Variants in BMS1 observed in about 807,000 individuals in gnomAD.
The protein encoded by BMS1 is ribosome biogenesis protein BMS1 homolog.
A neutral mutation model predicts 138.7 loss-of-function variants in BMS1; 53 were observed. That is an observed-to-expected ratio of 0.38 (90% CI 0.31 to 0.48). The LOEUF (loss-of-function observed/expected upper bound fraction) is 0.48, where lower values mean the gene tolerates loss of function less well. Among genes scored for constraint, BMS1 ranks in the 20% least tolerant of loss-of-function variants. The probability of loss-of-function intolerance (pLI) is 0.97; values close to 1 mark genes in which losing one functional copy is unlikely to be tolerated. For missense variants in BMS1, 1,360 were observed against 1,565.5 expected (o/e 0.87, Z 2.22); for synonymous variants, 504 against 539.9 (o/e 0.93, Z 0.92).
chr10:42,813,826 T>A (rs2132359200), intron 13 of BMS1, among the ~76,000 whole-genome samples: 1 of 152,322 alleles, frequency 6.6e-6, no homozygotes, highest in East Asian at 1.9e-4. Context: ...ATTCCTATAT[T>A]CTCTTCCTCT....
chr10:42,821,883 A>G (rs928725054), intron 18 of BMS1, among the ~76,000 whole-genome samples, 179 bp from the exon 19 acceptor site: 2 of 152,078 alleles, frequency 1.3e-5, no homozygotes, highest in South Asian at 2.1e-4. Context: ...TGGCTTACCA[A>G]CTTTAAAGTT....
intron 21 of BMS1, 93 bp from the exon 22 acceptor site, chr10:42,830,168 A>G (rs1276594821): frequency 2.8e-6 from 4 of 1,445,164 alleles, no homozygotes; most frequent in African/African-American, 1.4e-5. Flanking sequence ...AATCTTGTGG[A>G]AAAGTCAACC....
In BMS1 at chr10:42,823,212, G is replaced by C. The variant is rs756311685; in HGVS notation, c.3227G>C (p.Arg1076Pro). The change falls in exon 20 of 23, where the codon CGA becomes CCA. Residue 1076 changes from arginine (R) to proline (P), a missense_variant. By Grantham distance (103) the Arg-to-Pro change is moderately radical. Around this residue, in one of 3 missense-constraint regions of BMS1, gnomAD observed 425 missense variants for 568.3 expected, o/e 0.75. Transcript: ENST00000374518. ...GIRGQIKKAL[R>P]APEGAFRASF... ...AGGGGGCAGATCAAGAAAGCACTCC[G>C]AGCTCCAGAAGGAGCTTTCAGGGCC... 1.9e-6 allele frequency: 3 copies of C among 1,606,458 alleles called. 1 individual carries two copies. Among genetic ancestry groups the C allele is most frequent in the South Asian group, 2.2e-5 (2 of 89,870 alleles).
intron 21 of BMS1, among the ~76,000 whole-genome samples, chr10:42,825,065 G>T (rs151144598): frequency 1.2e-3 from 188 of 152,188 alleles, no homozygotes; most frequent in African/African-American, 4.3e-3. Context: ...CTGTAGTGCA[G>T]TGGCATAATC....
chr10:42,826,582 C>A (rs1015561401), intron 21 of BMS1, among the ~76,000 whole-genome samples: 3 of 152,176 alleles, frequency 2.0e-5, no homozygotes, highest in Non-Finnish European at 4.4e-5. Context: ...CCTGGGGAGG[C>A]AGGTGCCTGG....
At chr10:42,823,889 A>G (rs1043346318) in intron 21 of BMS1, 105 bp downstream of exon 21, 6 of 1,059,934 alleles carry the variant, frequency 5.7e-6, no homozygotes, top group South Asian at 7.5e-5. Flanking sequence ...ATGTTCAAGT[A>G]TAAAGTCTAA....
intron 13 of BMS1, among the ~76,000 whole-genome samples, chr10:42,811,346 T>G (rs912909177): frequency 2.0e-5 from 3 of 150,516 alleles, no homozygotes. Context: ...TCCGGCCAAT[T>G]TCTGCCCCTT....
chr10:42,798,838 A>G (rs1442464862), intron 12 of BMS1, among the ~76,000 whole-genome samples: 2 of 152,240 alleles, frequency 1.3e-5, no homozygotes, highest in African/African-American at 4.8e-5. Flanking sequence ...CACAGAGGAC[A>G]GGTTCAGCTT....
intron 6 of BMS1, among the ~76,000 whole-genome samples, 187 bp downstream of exon 6, chr10:42,791,956 T>C (rs1564410490): frequency 6.6e-6 from 1 of 152,118 alleles, no homozygotes. Context: ...AAATTAATTA[T>C]GAGATGTTAA....
chr10:42,817,787 G>T (rs1842391072), intron 15 of BMS1, among the ~76,000 whole-genome samples: 1 of 152,210 alleles, frequency 6.6e-6, no homozygotes, highest in African/African-American at 2.4e-5. Context: ...GTCTTACAAT[G>T]TAGTGATCTG....
At chr10:42,806,737 GAAAAA>G (rs35466848) in intron 13 of BMS1, among the ~76,000 whole-genome samples, 1 of 99,416 alleles carries the variant, frequency 1.0e-5, no homozygotes, top group African/African-American at 3.5e-5. Context: ...TCCGTCTCAG[GAAAAA>G]AAAAAAAAAA....
In BMS1 at chr10:42,823,723, C is replaced by T. The variant is rs965444457; in HGVS notation, c.3395C>T (p.Thr1132Met). The T allele has an allele frequency of 4.4e-6, 7 of 1,595,862 alleles. No homozygotes were observed. The highest frequency in any genetic ancestry group is 5.1e-6 in the Non-Finnish European group (6 of 1,179,536). ...EKDTWSGMRT[T>M]GQLRLAHGVR... ...GACACCTGGTCAGGAATGCGGACCACGGGCCAACTCAGGCTCGCCCATGGC... is the reference window on the plus strand; with the variant it reads ...GACACCTGGTCAGGAATGCGGACCATGGGCCAACTCAGGCTCGCCCATGGC... The change falls in exon 21 of 23, where the codon ACG becomes ATG. Residue 1132 changes from threonine (T) to methionine (M), a missense_variant. Physicochemically the swap from Thr to Met is moderately conservative, Grantham distance 81. Around this residue, in one of 3 missense-constraint regions of BMS1, gnomAD observed 425 missense variants for 568.3 expected, o/e 0.75. Transcript: ENST00000374518.
intron 4 of BMS1, among the ~76,000 whole-genome samples, chr10:42,787,874 A>G (rs1841385687): frequency 6.6e-6 from 1 of 152,240 alleles, no homozygotes; most frequent in African/African-American, 2.4e-5. Flanking sequence ...ATGCTCTTGC[A>G]TTTATGGAAA....
At chr10:42,809,777 T>C (rs1465458013) in intron 13 of BMS1, among the ~76,000 whole-genome samples, 2 of 152,102 alleles carry the variant, frequency 1.3e-5, no homozygotes, top group African/African-American at 4.8e-5. Context: ...TCTTTTGATA[T>C]AGATTACACT....
At chr10:42,784,975 T>C (rs1841280432) in intron 2 of BMS1, among the ~76,000 whole-genome samples, 1 of 152,238 alleles carries the variant, frequency 6.6e-6, no homozygotes, top group South Asian at 2.1e-4. Context: ...TAAACATTAT[T>C]CAACTAAATC....
rs1842822184 is a variant in BMS1 at position 42,832,696 on chromosome 10, G to A, written c.*1600G>A. The A allele has an allele frequency of 6.6e-6, 1 of 152,042 alleles. No homozygotes were observed. The highest frequency in any genetic ancestry group is 1.5e-5 in the Non-Finnish European group (1 of 68,018). The allele number at this position is 152,042 out of a possible 1,614,324, so 9.4% of individuals were successfully genotyped here. ...TCCATAAGAAGGGAAGAGGATGTGA[G>A]GATCCTGTCAGGGCTAGGTCCACCT... On this transcript the variant is annotated 3_prime_UTR_variant, in exon 23 of 23. Coordinates refer to ENST00000374518, the MANE Select transcript of BMS1 (RefSeq NM_014753.4).
chr10:42,794,389 T>A (rs951442821), intron 9 of BMS1, among the ~76,000 whole-genome samples: 1 of 152,116 alleles, frequency 6.6e-6, no homozygotes, highest in Non-Finnish European at 1.5e-5. Context: ...TTGTATTATC[T>A]CCTCTGGGTA....
chr10:42,799,836 C>T (rs539185237), intron 12 of BMS1, among the ~76,000 whole-genome samples: 3 of 152,294 alleles, frequency 2.0e-5, no homozygotes, highest in African/African-American at 7.2e-5. Flanking sequence ...TTTACTTTTA[C>T]TTGGTCTTCA....
At chr10:42,787,842 C>T (rs1361853708) in intron 4 of BMS1, among the ~76,000 whole-genome samples, 4 of 152,048 alleles carry the variant, frequency 2.6e-5, no homozygotes, top group Admixed American at 1.3e-4. Context: ...TCTAGACAGT[C>T]CTCAGTGTAT....
Sources: gnomAD v4.1 joint callset for allele counts (sites outside exome capture counted in the v4.1 genomes callset) on GRCh38, gnomAD v4.1.1 for gene constraint, gnomAD v4.1.1 regional missense constraint, MANE v1.5 for transcripts, NCBI Gene and HGNC (gene_info 2026-07-23, HGNC 2026-07-21) for gene names.